FSTL5: variants seen among roughly 807,000 people sequenced by gnomAD.
The protein encoded by FSTL5 is follistatin-related protein 5.
In FSTL5, 62 loss-of-function variants were observed where a neutral mutation model predicts 89.1. The observed-to-expected ratio is 0.70, with a 90% CI of 0.57 to 0.86. FSTL5 has a LOEUF of 0.86. Among genes scored for constraint, FSTL5 ranks in the 40% least tolerant of loss-of-function variants. The probability of loss-of-function intolerance (pLI) is 0.00; values close to 1 mark genes in which losing one functional copy is unlikely to be tolerated. For synonymous variants in FSTL5, 383 were observed against 346.2 expected, an observed-to-expected ratio of 1.11 and a Z score of -1.18; for missense variants, 1,057 against 1,001.6, an observed-to-expected ratio of 1.06 and a Z score of -0.75.
chr4:161,574,773 G>A (rs932670579), intron 8 of FSTL5, among the ~76,000 whole-genome samples: 2 of 152,124 alleles, frequency 1.3e-5, no homozygotes, highest in Admixed American at 1.3e-4. Context: ...GTTGGTTGAA[G>A]TCTTTGCTAT....
At chr4:161,766,439 C>T (rs1741000847) in intron 5 of FSTL5, among the ~76,000 whole-genome samples, 1 of 152,086 alleles carries the variant, frequency 6.6e-6, no homozygotes, top group South Asian at 2.1e-4. Flanking sequence ...CTCTAAGTAA[C>T]ACTCTGGACA....
At chr4:161,930,176 A>C (rs75562860) in intron 3 of FSTL5, among the ~76,000 whole-genome samples, 9,567 of 151,886 alleles carry the variant, frequency 0.063, 435 homozygotes, top group East Asian at 0.14. Context: ...ATACTCCCAC[A>C]GTGTCTGATC....
chr4:161,630,369 A>T (rs546035790), intron 7 of FSTL5, among the ~76,000 whole-genome samples: 1 of 152,286 alleles, frequency 6.6e-6, no homozygotes, highest in South Asian at 2.1e-4. Context: ...GTTTTCTATC[A>T]GCTACTATGG....
chr4:161,946,856 C>T (rs1222811033), intron 3 of FSTL5, among the ~76,000 whole-genome samples: 1 of 152,116 alleles, frequency 6.6e-6, no homozygotes, highest in South Asian at 2.1e-4. Context: ...ATTACACTCC[C>T]ACATGTGAGT....
At chr4:161,595,036 A>G (rs6838553) in intron 7 of FSTL5, among the ~76,000 whole-genome samples, 114,157 of 151,436 alleles carry the variant, frequency 0.75, 43,269 homozygotes, top group East Asian at 0.93. Flanking sequence ...AATAGACTGC[A>G]GAATTTAGCT....
chr4:161,707,588 A>G (rs1450455023), intron 6 of FSTL5, among the ~76,000 whole-genome samples: 1 of 151,922 alleles, frequency 6.6e-6, no homozygotes, highest in African/African-American at 2.4e-5. Context: ...TAACATGTCT[A>G]TTCTAACATT....
intron 3 of FSTL5, among the ~76,000 whole-genome samples, chr4:161,968,754 G>A (rs910489555): frequency 1.2e-4 from 18 of 152,036 alleles, no homozygotes; most frequent in African/African-American, 3.4e-4. Flanking sequence ...CAAGATTGTC[G>A]CAAACATCTT....
intron 13 of FSTL5, among the ~76,000 whole-genome samples, chr4:161,466,404 G>A (rs113617027): frequency 0.021 from 3,126 of 152,242 alleles, 126 homozygotes; most frequent in African/African-American, 0.071. Flanking sequence ...CTTGCGGTTT[G>A]GTCTTGACAT....
intron 2 of FSTL5, among the ~76,000 whole-genome samples, chr4:162,081,270 C>A (rs1730087249): frequency 6.6e-6 from 1 of 151,510 alleles, no homozygotes; most frequent in African/African-American, 2.4e-5. Context: ...TAGAATTGAT[C>A]AGAACTGACA....
chr4:161,434,235 A>G (rs1376341891), intron 15 of FSTL5, among the ~76,000 whole-genome samples: 1 of 152,154 alleles, frequency 6.6e-6, no homozygotes, highest in African/African-American at 2.4e-5. Context: ...TAGAGGATCC[A>G]GAAACAAAGT....
chr4:161,522,412 G>A (rs1222181801), intron 10 of FSTL5, among the ~76,000 whole-genome samples: 1 of 152,048 alleles, frequency 6.6e-6, no homozygotes. Flanking sequence ...AAAATAAAAT[G>A]TGGTCAAGCA....
chr4:161,534,754 G>A (rs1239714903), intron 10 of FSTL5, among the ~76,000 whole-genome samples: 1 of 152,012 alleles, frequency 6.6e-6, no homozygotes, highest in East Asian at 1.9e-4. Context: ...CCAAAAGAGA[G>A]TATGAGTAGC....
chr4:161,754,755 C>T (rs1009010363), intron 6 of FSTL5, among the ~76,000 whole-genome samples: 2 of 152,088 alleles, frequency 1.3e-5, no homozygotes, highest in Non-Finnish European at 2.9e-5. Flanking sequence ...AGCATCACTT[C>T]TGAAGTTAAA....
At chr4:161,956,544 A>G (rs771843115) in intron 3 of FSTL5, among the ~76,000 whole-genome samples, 3 of 151,950 alleles carry the variant, frequency 2.0e-5, no homozygotes, top group African/African-American at 7.2e-5. Flanking sequence ...TAAAGACACA[A>G]AAGATTAGTA....
chr4:161,813,603 G>C (rs550058715), intron 4 of FSTL5, among the ~76,000 whole-genome samples: 2 of 152,278 alleles, frequency 1.3e-5, no homozygotes, highest in African/African-American at 4.8e-5. Flanking sequence ...CATTCTGTGG[G>C]CTGTGTACTG....
At chr4:161,948,440 G>A (rs1005087958) in intron 3 of FSTL5, among the ~76,000 whole-genome samples, 1 of 148,770 alleles carries the variant, frequency 6.7e-6, no homozygotes, top group Middle Eastern at 3.5e-3. Flanking sequence ...AGGGACATTT[G>A]CTACACTTTG....
chr4:162,046,168 T>C (rs979671492), intron 2 of FSTL5, among the ~76,000 whole-genome samples: 3 of 152,158 alleles, frequency 2.0e-5, no homozygotes, highest in Non-Finnish European at 2.9e-5. Flanking sequence ...TGTCTAGCAC[T>C]GTGCTATTAA....
At chr4:162,026,304 C>CTTTTTTTCTTTTTTTTTTT (rs1737282573) in intron 3 of FSTL5, among the ~76,000 whole-genome samples, 6 of 79,474 alleles carry the variant, frequency 7.5e-5, no homozygotes, top group South Asian at 5.4e-4. Context: ...TATGTATTTT[C>CTTTTTTTCTTTTTTTTTTT]TTTTTTTTTT....
chr4:162,038,260 C>A (rs1421315696), intron 2 of FSTL5, among the ~76,000 whole-genome samples: 1 of 151,794 alleles, frequency 6.6e-6, no homozygotes, highest in Non-Finnish European at 1.5e-5. Context: ...TATGCTATTT[C>A]TTGGAAGAAT....
Sources: gnomAD v4.1 joint callset for allele counts (sites outside exome capture counted in the v4.1 genomes callset) on GRCh38, gnomAD v4.1.1 for gene constraint, MANE v1.5 for transcripts, NCBI Gene and HGNC (gene_info 2026-07-23, HGNC 2026-07-21) for gene names.